STAG2: variants seen among roughly 807,000 people sequenced by gnomAD.
The protein encoded by STAG2 is cohesin subunit SA-2.
STAG2 carries 14 observed loss-of-function variants against 108.1 expected under a neutral mutation model. The ratio of observed to expected loss-of-function variants is 0.13; its 90% CI spans 0.09 to 0.20. STAG2 has a LOEUF of 0.20. Among genes scored for constraint, STAG2 ranks in the 10% least tolerant of loss-of-function variants. The probability of loss-of-function intolerance (pLI) is 1.00; values close to 1 mark genes in which losing one functional copy is unlikely to be tolerated. For synonymous variants in STAG2, 307 were observed against 302.7 expected (o/e 1.01, Z -0.15); for missense variants, 440 against 940.9 (o/e 0.47, Z 6.96).
rs564535915 is a variant in STAG2, at chrX:124,026,682, C to G, written c.123+764C>G. The G allele has an allele frequency of 2.7e-5, 5 of 183,264 alleles. No individual in the cohort carries two copies. In the Admixed American group the frequency reaches 3.3e-4, roughly 12 times the overall value. 15.1% of individuals were successfully genotyped at this position (183,264 alleles called of 1,213,427 possible). A position where few individuals can be genotyped will look rare whatever the true frequency, so the allele number is the denominator to read the frequency against. ...TGAAATTTTTCCATAATCCTATCAC[C>G]TGGAGGTAATTTATTCTTTAAACAT... On this transcript the variant is annotated intron_variant, in intron 4 of 34. Coordinates refer to ENST00000371145, the MANE Select transcript of STAG2 (RefSeq NM_001042750.2).
chrX:124,023,707 G>A (rs2057004245), intron 3 of STAG2, among the ~76,000 whole-genome samples: 1 of 111,988 alleles, frequency 8.9e-6, no homozygotes, highest in Non-Finnish European at 1.9e-5. Flanking sequence ...GATATAAAGA[G>A]AAGATTATGA....
rs1053947601 is a variant in STAG2, at chrX:124,083,417, G to A, written c.2925-4G>A. 8.6e-7 allele frequency: 1 copy of A among 1,159,657 alleles called. No homozygotes were observed. The highest frequency in any genetic ancestry group is 2.0e-5 in the South Asian group (1 of 49,978). On this transcript the variant is annotated splice_region_variant and splice_polypyrimidine_tract_variant and intron_variant, in intron 28 of 34. Transcript: ENST00000371145. ...TTTCAATTATTTTTTGTTTTCCTTTGCAGAGATGGCATAGAATTTGCTTTT... is the reference window on the plus strand; with the variant it reads ...TTTCAATTATTTTTTGTTTTCCTTTACAGAGATGGCATAGAATTTGCTTTT...
In STAG2 at chrX:124,038,018, TAAGC is replaced by T. The variant is rs775496583; in HGVS notation, c.385+407_385+410del. 8.1e-5 allele frequency among the ~76,000 whole-genome samples: 9 copies of T among 111,741 alleles called. No individual in the cohort carries two copies. In the East Asian group the frequency reaches 1.4e-3, roughly 17 times the overall value. On this transcript the variant is annotated intron_variant, in intron 6 of 34. Transcript: ENST00000371145. ...AAAAAGTGCCATGAATAACAGTAAGTAAGCAAGCAAGCAAGTAAGTAAGTTACGT... is the reference window on the plus strand; with the variant it reads ...AAAAAGTGCCATGAATAACAGTAAGTAAGCAAGCAAGTAAGTAAGTTACGT...
At chrX:123,978,405 G>A (rs1569491112) in intron 1 of STAG2, among the ~76,000 whole-genome samples, 2 of 110,591 alleles carry the variant, frequency 1.8e-5, no homozygotes, top group South Asian at 7.7e-4. Context: ...AACATGTGGT[G>A]TTTGGTTTTC....
intron 28 of STAG2, among the ~76,000 whole-genome samples, chrX:124,082,806 A>G (rs1346267042): frequency 1.8e-5 from 2 of 111,760 alleles, no homozygotes; most frequent in Admixed American, 9.6e-5. Flanking sequence ...CTACCTGTAT[A>G]TTATTTTCAG....
chrX:123,976,962 CAG>C (rs1201363591), intron 1 of STAG2, among the ~76,000 whole-genome samples: 1 of 112,021 alleles, frequency 8.9e-6, no homozygotes, highest in African/African-American at 3.2e-5. Context: ...ATGGAAAAGA[CAG>C]AGGAGGAAGT....
At chrX:124,004,977 C>T (rs1314536314) in intron 1 of STAG2, among the ~76,000 whole-genome samples, 2 of 110,911 alleles carry the variant, frequency 1.8e-5, no homozygotes, top group African/African-American at 3.3e-5. Flanking sequence ...CCAGAACCCT[C>T]GATGATACCA....
rs780906875 is a variant in STAG2 at position 124,076,519 on chromosome X, GT to G, written c.2673+53del. On this transcript the variant is annotated intron_variant, in intron 26 of 34. Transcript: ENST00000371145. ...AAGATAGTTTTAAAATGCAACGCTA[GT>G]TTTTATGCATGGCTGCCATTGAATT... 3.4e-5 allele frequency: 36 copies of G among 1,054,950 alleles called. No homozygotes were observed. The South Asian group carries it at 9.5e-4, about 28-fold the overall frequency. The allele number at this position is 1,054,950 out of a possible 1,213,427, so 86.9% of individuals were successfully genotyped here.
intron 1 of STAG2, among the ~76,000 whole-genome samples, chrX:123,962,974 A>T (rs2053936484): frequency 8.9e-6 from 1 of 112,089 alleles, no homozygotes; most frequent in African/African-American, 3.2e-5. Context: ...TTAAGCACGA[A>T]GCTTCTTTTC....
chrX:123,999,050 C>G (rs887280351), intron 1 of STAG2, among the ~76,000 whole-genome samples: 5 of 111,287 alleles, frequency 4.5e-5, no homozygotes, highest in Non-Finnish European at 7.5e-5. Context: ...CCCAGGAGTT[C>G]GAGGTGACAG....
intron 1 of STAG2, among the ~76,000 whole-genome samples, chrX:123,993,857 T>C (rs2055599827): frequency 9.0e-6 from 1 of 111,653 alleles, no homozygotes; most frequent in African/African-American, 3.3e-5. Flanking sequence ...TATTGGAATT[T>C]AAGAGAACTG....
chrX:124,050,195 A>T lies in STAG2; in HGVS notation c.903A>T (p.Ile301=), dbSNP rs1010259760. ...TCCTTCCCCCATTCAGTGATGCGAT[A>T]GCTGAAATTCGAGCTATTTGCATTG... The part of the protein sequence containing the change: ...GVFVHRYRDA[I]AEIRAICIEE... The change falls in exon 11 of 35, where the codon ATA becomes ATT. Residue 301 remains isoleucine, a synonymous_variant. Coordinates refer to ENST00000371145, the MANE Select transcript of STAG2 (RefSeq NM_001042750.2). The T allele has an allele frequency of 1.7e-6, 2 of 1,208,416 alleles. No individual in the cohort carries two copies. The highest frequency in any genetic ancestry group is 1.8e-5 in the African/African-American group (1 of 57,138).
At chrX:124,040,854 CTT>C (rs1163780101) in intron 6 of STAG2, among the ~76,000 whole-genome samples, 2 of 76,637 alleles carry the variant, frequency 2.6e-5, no homozygotes, top group African/African-American at 5.1e-5. Flanking sequence ...CCTCTTCTCT[CTT>C]TTTTTTTTTT....
chrX:124,050,133 G>C (rs1472089426), intron 10 of STAG2, 53 bp from the exon 11 acceptor site: 3 of 1,171,999 alleles, frequency 2.6e-6, no homozygotes, highest in Non-Finnish European at 3.4e-6. Flanking sequence ...TAAACCATAA[G>C]TTTTGTGGTA....
chrX:124,075,419 G>A lies in STAG2; in HGVS notation c.2534-913G>A, dbSNP rs1354840259. Among the ~76,000 whole-genome samples the A allele has an allele frequency of 1.3e-4, 14 of 110,735 alleles. No individual in the cohort carries two copies. The East Asian group carries it at 3.1e-3, about 25-fold the overall frequency. On this transcript the variant is annotated intron_variant, in intron 25 of 34. Transcript: ENST00000371145. ...CTCCCAACTAGGTGGGAGTATAGGC[G>A]CGTGCTACCACACCCAGCTGATTTT...
chrX:124,086,179 A>T (rs2059102148), intron 29 of STAG2, among the ~76,000 whole-genome samples: 1 of 111,503 alleles, frequency 9.0e-6, no homozygotes, highest in Non-Finnish European at 1.9e-5. Flanking sequence ...TCTAGCACAT[A>T]GTCGTCACAT....
At chrX:124,002,926 G>T (rs1325665441) in intron 1 of STAG2, among the ~76,000 whole-genome samples, 3 of 106,644 alleles carry the variant, frequency 2.8e-5, no homozygotes, top group Admixed American at 1.0e-4. Context: ...AAAGTGTTGG[G>T]ATTACAGGTG....
chrX:123,986,844 AT>A (rs34002356), intron 1 of STAG2, among the ~76,000 whole-genome samples: 146 of 102,928 alleles, frequency 1.4e-3, no homozygotes, highest in South Asian at 1.3e-3. Flanking sequence ...GTTAGTGAAC[AT>A]TTTTTTTTTT....
intron 5 of STAG2, among the ~76,000 whole-genome samples, chrX:124,037,220 C>T (rs2057545582): frequency 8.9e-6 from 1 of 111,977 alleles, no homozygotes; most frequent in Non-Finnish European, 1.9e-5. Flanking sequence ...TCTCTCCTTT[C>T]TTTAATGTCA....
Sources: allele counts gnomAD v4.1 joint callset (sites outside exome capture counted in the v4.1 genomes callset), GRCh38; gene constraint gnomAD v4.1.1; transcripts MANE v1.5; gene names NCBI Gene and HGNC (gene_info 2026-07-23, HGNC 2026-07-21).